Variants in ZBTB38 observed in about 807,000 individuals in gnomAD.
ZBTB38 encodes the protein zinc finger and BTB domain-containing protein 38.
Under a neutral mutation model 76.8 loss-of-function variants are expected in ZBTB38, and 20 were observed. That is an observed-to-expected ratio of 0.26 (90% CI 0.18 to 0.38). The LOEUF (loss-of-function observed/expected upper bound fraction) is 0.38. Among genes scored for constraint, ZBTB38 ranks in the 10% least tolerant of loss-of-function variants. The pLI is 1.00. For synonymous variants in ZBTB38, 504 were observed against 544.2 expected (o/e 0.93, Z 1.03); for missense variants, 1,082 against 1,482.3 (o/e 0.73, Z 4.43).
At chr3:141,430,353 C>T (rs1488490001) in intron 5 of ZBTB38, among the ~76,000 whole-genome samples, 1 of 152,176 alleles carries the variant, frequency 6.6e-6, no homozygotes, top group Non-Finnish European at 1.5e-5. Flanking sequence ...AGGCATGAGC[C>T]ACCACGCCCG....
intron 5 of ZBTB38, among the ~76,000 whole-genome samples, chr3:141,414,447 A>G (rs946258455): frequency 6.6e-6 from 1 of 152,214 alleles, no homozygotes; most frequent in Non-Finnish European, 1.5e-5. Flanking sequence ...AACCTTCTCC[A>G]TGTCACCACA....
At chr3:141,360,717 C>G (rs890087927) in intron 1 of ZBTB38, among the ~76,000 whole-genome samples, 2 of 152,048 alleles carry the variant, frequency 1.3e-5, no homozygotes, top group South Asian at 4.2e-4. Flanking sequence ...ACTTACTGGA[C>G]CAGATAGTTG....
Position 141,413,963 on chromosome 3 carries a change from T to C in ZBTB38, c.-1+9932T>C, listed in dbSNP as rs2073298112. ...TGTGGTAAGGCTTCTCAACACCTGT[T>C]CTTCATTAGGACGGAGCACTCTGAG... On this transcript the variant is annotated intron_variant, in intron 5 of 5. Coordinates refer to ENST00000321464, the MANE Select transcript of ZBTB38 (RefSeq NM_001376113.1). The surrounding 1 kb of genome is among the most constrained non-coding windows in gnomAD (Gnocchi z 4.1). 6.6e-6 allele frequency among the ~76,000 whole-genome samples: 1 copy of C among 152,224 alleles called. No homozygotes were observed. Among genetic ancestry groups the C allele is most frequent in the Non-Finnish European group, 1.5e-5 (1 of 68,030 alleles).
chr3:141,349,984 G>A (rs1425195268), intron 1 of ZBTB38, among the ~76,000 whole-genome samples: 1 of 152,048 alleles, frequency 6.6e-6, no homozygotes, highest in Non-Finnish European at 1.5e-5. Flanking sequence ...AAAAGCATTA[G>A]AATATAAATT....
Position 141,420,235 on chromosome 3 carries a change from G to A in ZBTB38, c.-1+16204G>A, listed in dbSNP as rs117012523. Among the ~76,000 whole-genome samples, 53 of 152,234 alleles carry A rather than the reference G, an allele frequency of 3.5e-4. No homozygotes were observed. The East Asian group carries it at 0.01, about 29-fold the overall frequency. ...AAACAATTGGAATGAGCTACTTAGGGAGAATGAGGGAATAGAGAAGAACAG... is the reference window on the plus strand; with the variant it reads ...AAACAATTGGAATGAGCTACTTAGGAAGAATGAGGGAATAGAGAAGAACAG... On this transcript the variant is annotated intron_variant, in intron 5 of 5. Coordinates refer to ENST00000321464, the MANE Select transcript of ZBTB38 (RefSeq NM_001376113.1).
intron 5 of ZBTB38, among the ~76,000 whole-genome samples, chr3:141,432,712 G>A (rs1260706749): frequency 6.6e-6 from 1 of 152,210 alleles, no homozygotes; most frequent in Non-Finnish European, 1.5e-5. Flanking sequence ...TTTCTTCTGT[G>A]CATTTCAGTA....
intron 5 of ZBTB38, among the ~76,000 whole-genome samples, chr3:141,425,741 A>G (rs2076263913): frequency 6.6e-6 from 1 of 152,248 alleles, no homozygotes; most frequent in Non-Finnish European, 1.5e-5. Context: ...AAATGAAACC[A>G]AGAAAAACAT....
intron 1 of ZBTB38, among the ~76,000 whole-genome samples, chr3:141,351,335 A>G (rs1943506796): frequency 1.3e-5 from 2 of 151,386 alleles, no homozygotes; most frequent in Non-Finnish European, 3.0e-5. Context: ...CATTCATTCC[A>G]AATGCCAATG....
chr3:141,332,016 G>A lies in ZBTB38; in HGVS notation c.-739+7560G>A, dbSNP rs1286109959. The stretch of plus-strand genomic sequence containing the variant: ...CCCTTTGGGGAAGAGGGTCAGCAGC[G>A]GGGAATTGTGTCACCAACGTTTCTT... On this transcript the variant is annotated intron_variant, in intron 1 of 7. Transcript: ENST00000509842. 5.3e-5 allele frequency among the ~76,000 whole-genome samples: 8 copies of A among 152,200 alleles called. No homozygotes were observed. In the South Asian group the frequency reaches 1.0e-3, roughly 20 times the overall value.
At chr3:141,375,305 G>A (rs1386783721) in intron 2 of ZBTB38, among the ~76,000 whole-genome samples, 1 of 152,140 alleles carries the variant, frequency 6.6e-6, no homozygotes, top group African/African-American at 2.4e-5. Flanking sequence ...AGATTTAATG[G>A]CAAAGGTTGA....
In ZBTB38 at chr3:141,440,942, G is replaced by C. The variant is rs561920415; in HGVS notation, c.1-1447G>C. 1.6e-3 allele frequency among the ~76,000 whole-genome samples: 239 copies of C among 150,864 alleles called. 1 individual carries two copies. Among genetic ancestry groups the C allele is most frequent in the Non-Finnish European group, 2.7e-3 (183 of 67,840 alleles). ...CCAGCTACTCGGGAGGCTGAGGCAGGAGAGTCGCTTGAACCCTGGAGCCGG... is the reference window on the plus strand; with the variant it reads ...CCAGCTACTCGGGAGGCTGAGGCAGCAGAGTCGCTTGAACCCTGGAGCCGG... On this transcript the variant is annotated intron_variant, in intron 5 of 5. Coordinates refer to ENST00000321464, the MANE Select transcript of ZBTB38 (RefSeq NM_001376113.1).
At chr3:141,380,128 T>A (rs1945982467) in intron 2 of ZBTB38, among the ~76,000 whole-genome samples, 1 of 152,232 alleles carries the variant, frequency 6.6e-6, no homozygotes. Flanking sequence ...TGATGAGGCA[T>A]TTATGTAAAT....
Position 141,446,882 on chromosome 3 carries a change from C to T in ZBTB38, c.*906C>T, listed in dbSNP as rs1033796797. On this transcript the variant is annotated 3_prime_UTR_variant, in exon 6 of 6. Transcript: ENST00000321464. ...GTGCTGCATATTACTTTGCAATGGC[C>T]TCATCTCAGAGAATGAAAGAGGGTC... 1 of 152,628 alleles carries T rather than the reference C, an allele frequency of 6.6e-6. No individual in the cohort carries two copies. Among genetic ancestry groups the T allele is most frequent in the Non-Finnish European group, 1.5e-5 (1 of 68,066 alleles). The allele number at this position is 152,628 out of a possible 1,614,324, so 9.5% of individuals were successfully genotyped here.
At chr3:141,350,251 T>A (rs1576663532) in intron 1 of ZBTB38, among the ~76,000 whole-genome samples, 1 of 152,338 alleles carries the variant, frequency 6.6e-6, no homozygotes, top group East Asian at 1.9e-4. Flanking sequence ...TGAAGTCTTT[T>A]GTGCTTTCTT....
At chr3:141,392,786 A>G (rs1949277566) in intron 4 of ZBTB38, 1 of 152,182 alleles carries the variant, frequency 6.6e-6, no homozygotes, top group Admixed American at 6.5e-5. Context: ...GATGTAGGCA[A>G]GATGTTTTTG....
intron 4 of ZBTB38, among the ~76,000 whole-genome samples, chr3:141,399,006 A>G (rs1428907744): frequency 2.0e-5 from 3 of 152,074 alleles, no homozygotes; most frequent in African/African-American, 7.2e-5. Flanking sequence ...AAGAAACTGT[A>G]GTTTCCTCCT....
chr3:141,433,180 T>C (rs1473745507), intron 5 of ZBTB38, among the ~76,000 whole-genome samples: 1 of 152,238 alleles, frequency 6.6e-6, no homozygotes, highest in African/African-American at 2.4e-5. Context: ...TTCTGCTTTG[T>C]GTTTCATCAC....
intron 5 of ZBTB38, among the ~76,000 whole-genome samples, chr3:141,420,868 G>C (rs1269901421): frequency 6.6e-6 from 1 of 151,948 alleles, no homozygotes; most frequent in Non-Finnish European, 1.5e-5. Flanking sequence ...ACCTCAGCAG[G>C]CAGAGAAAGG....
At chr3:141,330,583 T>G (rs180801296) in intron 1 of ZBTB38, among the ~76,000 whole-genome samples, 1 of 152,344 alleles carries the variant, frequency 6.6e-6, no homozygotes, top group African/African-American at 2.4e-5. Context: ...TGTCAGACAC[T>G]CAGACTCTTT....
Sources: gnomAD v4.1 joint callset for allele counts (sites outside exome capture counted in the v4.1 genomes callset) on GRCh38, gnomAD v4.1.1 for gene constraint, Gnocchi (gnomAD v3.1) non-coding constraint, MANE v1.5 for transcripts, NCBI Gene and HGNC (gene_info 2026-07-23, HGNC 2026-07-21) for gene names.